ASS1: variants seen among roughly 807,000 people sequenced by gnomAD.
ASS1 encodes argininosuccinate synthase.
ASS1 carries 58 observed loss-of-function variants against 60.5 expected under a neutral mutation model. The ratio of observed to expected loss-of-function variants is 0.96; its 90% confidence interval spans 0.78 to 1.19. The LOEUF is 1.19. Ranked by LOEUF, ASS1 falls within the 50% of genes most tolerant of loss-of-function variation. The pLI is 0.00. For synonymous variants in ASS1, 200 were observed against 206.9 expected (o/e 0.97, Z 0.29); for missense variants, 454 against 547.3 (o/e 0.83, Z 1.70).
intron 1 of ASS1, chr9:130,445,239 CGGGGGCGCGAGTCCCCG>C (rs1564898356): frequency 7.4e-6 from 6 of 810,070 alleles, no homozygotes; most frequent in Non-Finnish European, 8.1e-6. Context: ...CGCGAGTCCC[CGGGGGCGCGAGTCCCCG>C]GGTCCGAAGA....
chr9:130,470,939 C>T lies in ASS1; in HGVS notation c.566+35C>T, dbSNP rs201056929. On this transcript the variant is annotated intron_variant, in intron 7 of 14. Transcript: ENST00000352480. The surrounding 1 kb of genome is among the most constrained non-coding windows in gnomAD (Gnocchi z 4.3). ...ACCCTCCACCCATCCTTGGTCCTCC[C>T]GGGCTCATTCCAAAGGACGGCCACG... 136 of 1,608,478 alleles carry T rather than the reference C, an allele frequency of 8.5e-5. 1 individual carries two copies. In the African/African-American group the frequency reaches 1.0e-3, roughly 12 times the overall value.
chr9:130,497,808 TG>T (rs1284772048), intron 13 of ASS1, among the ~76,000 whole-genome samples: 1 of 152,162 alleles, frequency 6.6e-6, no homozygotes, highest in East Asian at 1.9e-4. Flanking sequence ...TAGGGGCCAG[TG>T]GGGCTGAGGC....
At chr9:130,484,177 A>G (rs1397640583) in intron 11 of ASS1, among the ~76,000 whole-genome samples, 2 of 151,978 alleles carry the variant, frequency 1.3e-5, no homozygotes, top group East Asian at 1.9e-4. Context: ...GCCAACCCCT[A>G]TGCCCCACCT....
chr9:130,445,104 C>T (rs1845163801), intron 1 of ASS1, 109 bp downstream of exon 1: 20 of 971,222 alleles, frequency 2.1e-5, no homozygotes, highest in Non-Finnish European at 2.4e-5. Flanking sequence ...CCCGCGGAGG[C>T]AGAGGGCGGA....
chr9:130,478,390 G>A lies in ASS1; in HGVS notation c.689-1326G>A, dbSNP rs966955408. Among the ~76,000 whole-genome samples the A allele has an allele frequency of 3.9e-5, 6 of 152,238 alleles. No homozygotes were observed. Among genetic ancestry groups the A allele is most frequent in the South Asian group, 2.1e-4 (1 of 4,814 alleles). ...GGGTGGGAGGCGGGTGGCAGGCTGC[G>A]GAGGGTCCTGGGCACCAGGCTCTGG... On this transcript the variant is annotated intron_variant, in intron 9 of 14. Coordinates refer to ENST00000352480, the MANE Select transcript of ASS1 (RefSeq NM_054012.4). This position sits in a 1 kb window ranked among gnomAD's most constrained non-coding sequence, Gnocchi z 4.7.
At chr9:130,487,573 C>G (rs941608468) in intron 11 of ASS1, among the ~76,000 whole-genome samples, 1 of 122,878 alleles carries the variant, frequency 8.1e-6, no homozygotes, top group African/African-American at 2.8e-5. Context: ...GAGACTCTGG[C>G]CCCATGAAAC....
intron 12 of ASS1, among the ~76,000 whole-genome samples, chr9:130,493,454 G>C (rs1165011998): frequency 6.6e-6 from 1 of 152,196 alleles, no homozygotes; most frequent in Non-Finnish European, 1.5e-5. Flanking sequence ...CGGACTCACA[G>C]GGTGGGACAC....
At chr9:130,469,247 AG>A (rs959418360) in intron 6 of ASS1, among the ~76,000 whole-genome samples, 1 of 152,210 alleles carries the variant, frequency 6.6e-6, no homozygotes, top group Non-Finnish European at 1.5e-5. Flanking sequence ...CCAAGGGCAC[AG>A]GGCGAGTGTG....
chr9:130,464,070 C>G lies in ASS1; in HGVS notation c.364-41C>G, dbSNP rs779612311. The G allele has an allele frequency of 3.7e-6, 6 of 1,611,168 alleles. No individual in the cohort carries two copies. In the East Asian group the frequency reaches 1.3e-4, roughly 36 times the overall value. ...CGTCCTCCCCCAGACTCCAGAACCC[C>G]CATCCTGTGGCTCCTGACAGCCCTC... is the stretch of plus-strand genomic sequence containing the variant. On this transcript the variant is annotated intron_variant, in intron 4 of 14. Coordinates refer to ENST00000352480, the MANE Select transcript of ASS1 (RefSeq NM_054012.4).
At position 130,456,229 on chromosome 9, in the gene ASS1, G is replaced by A. The variant is rs190422479; in HGVS notation, c.174+1856G>A. On this transcript the variant is annotated intron_variant, in intron 3 of 14. Coordinates refer to ENST00000352480, the MANE Select transcript of ASS1 (RefSeq NM_054012.4). ...GCCTGTAATCCCAGCACTTTGGCAGGCTGAGGCAGGCAGATCACCTGAGGT... is the reference window on the plus strand; with the variant it reads ...GCCTGTAATCCCAGCACTTTGGCAGACTGAGGCAGGCAGATCACCTGAGGT... 2.8e-3 allele frequency among the ~76,000 whole-genome samples: 424 copies of A among 152,342 alleles called. 2 individuals carry two copies. The highest frequency in any genetic ancestry group is 5.2e-3 in the Admixed American group (80 of 15,306).
rs1256581378 is a variant in ASS1 at position 130,489,391 on chromosome 9, C to T, written c.897C>T (p.Ala299=). 2 of 1,613,988 alleles carry T rather than the reference C, an allele frequency of 1.2e-6. No individual in the cohort carries two copies. The highest frequency in any genetic ancestry group is 1.3e-5 in the African/African-American group (1 of 74,888). Residue 299 remains alanine (A), a synonymous_variant, in exon 12 of 15, where the codon GCC becomes GCT. Transcript: ENST00000352480. The surrounding 1 kb of genome is among the most constrained non-coding windows in gnomAD (Gnocchi z 4.1). The stretch of plus-strand genomic sequence containing the variant: ...ACCATGCTCATTTAGACATCGAGGC[C>T]TTCACCATGGACCGGGAAGTGCGCA... ...ILYHAHLDIE[A]FTMDREVRKI...
At chr9:130,483,736 G>A (rs1253274155) in intron 11 of ASS1, among the ~76,000 whole-genome samples, 1 of 83,566 alleles carries the variant, frequency 1.2e-5, no homozygotes, top group Non-Finnish European at 2.3e-5. Flanking sequence ...GCCTGCCCCC[G>A]CCTTGCTCCT....
At chr9:130,463,396 G>A (rs1241015244) in intron 4 of ASS1, among the ~76,000 whole-genome samples, 5 of 152,234 alleles carry the variant, frequency 3.3e-5, no homozygotes, top group Non-Finnish European at 7.3e-5. Context: ...GCTCAGTGGG[G>A]TGTTGAGGTG....
chr9:130,471,575 C>A (rs140368861), intron 8 of ASS1, 60 bp downstream of exon 8: 3 of 1,552,966 alleles, frequency 1.9e-6, no homozygotes, highest in South Asian at 1.1e-5. Flanking sequence ...CAGCTCCATG[C>A]CGATGCTGTC....
rs556839789 is a variant in ASS1, at chr9:130,499,909, T to C, written c.1193+339T>C. On this transcript the variant is annotated intron_variant, in intron 14 of 14. Transcript: ENST00000352480. ...GGGCAGGTTAAACAAGGAAATAGCATAGAGGTGGAGAGAAGCCTTTGTTTT... is the reference window on the plus strand; with the variant it reads ...GGGCAGGTTAAACAAGGAAATAGCACAGAGGTGGAGAGAAGCCTTTGTTTT... Among the ~76,000 whole-genome samples the C allele has an allele frequency of 1.2e-4, 19 of 152,210 alleles. No individual in the cohort carries two copies. The East Asian group carries it at 2.5e-3, about 20-fold the overall frequency.
At chr9:130,492,372 T>C (rs1326446274) in intron 12 of ASS1, among the ~76,000 whole-genome samples, 1 of 152,142 alleles carries the variant, frequency 6.6e-6, no homozygotes, top group African/African-American at 2.4e-5. Flanking sequence ...CTCAGAGCCC[T>C]TGTGGTCTCG....
At chr9:130,458,731 C>CTCTCATTGGGGTCT in intron 4 of ASS1, 142 bp downstream of exon 4, 7 of 1,194,740 alleles carry the variant, frequency 5.9e-6, no homozygotes, top group South Asian at 1.5e-5. Context: ...GTTTAGACCC[C>CTCTCATTGGGGTCT]AATGAGAGGG....
intron 1 of ASS1, among the ~76,000 whole-genome samples, chr9:130,449,592 G>C (rs922745675): frequency 2.0e-5 from 3 of 152,084 alleles, no homozygotes; most frequent in Admixed American, 6.5e-5. Context: ...GTCTCCAGTG[G>C]TGGTCTTGTA....
intron 11 of ASS1, among the ~76,000 whole-genome samples, chr9:130,486,668 A>G (rs666971): frequency 0.46 from 69,950 of 152,076 alleles, 16,340 homozygotes; most frequent in East Asian, 0.61. Flanking sequence ...GACGGTGGAC[A>G]TGCCGAAGGC....
Sources: allele counts gnomAD v4.1 joint callset (sites outside exome capture counted in the v4.1 genomes callset), GRCh38; gene constraint gnomAD v4.1.1; non-coding constraint Gnocchi (gnomAD v3.1); transcripts MANE v1.5; gene names NCBI Gene and HGNC (gene_info 2026-07-23, HGNC 2026-07-21).